RANBP2: variants seen among roughly 807,000 people sequenced by gnomAD.
RANBP2 encodes RAN binding protein 2, also known as E3 SUMO-protein ligase RanBP2.
In RANBP2, 57 loss-of-function variants were observed where a neutral mutation model predicts 303.6. That is an observed-to-expected ratio of 0.19 (90% confidence interval 0.15 to 0.23). The LOEUF (loss-of-function observed/expected upper bound fraction) is 0.23. Ranked by LOEUF, RANBP2 falls within the 10% of genes least tolerant of loss-of-function variation. RANBP2 has a pLI of 1.00. For synonymous variants in RANBP2, 1,167 were observed against 1,301.5 expected, an observed-to-expected ratio of 0.90 and a Z score of 2.23; for missense variants, 3,138 against 3,780.8, an observed-to-expected ratio of 0.83 and a Z score of 4.46.
At chr2:109,149,851 C>T in the RANBP2 span, among the ~76,000 whole-genome samples, 106,670 of 152,198 alleles carry the variant, frequency 0.7, 38,431 homozygotes, top group African/African-American at 0.77. Flanking sequence ...GATTAAAATA[C>T]CAGGGGGTTC....
At chr2:109,055,316 G>GTATA in the RANBP2 span, among the ~76,000 whole-genome samples, 1 of 149,736 alleles carries the variant, frequency 6.7e-6, no homozygotes, top group East Asian at 1.9e-4. Flanking sequence ...GTCTCTTCCA[G>GTATA]TATATTCCAG....
the RANBP2 span, chr2:109,545,955 A>G: frequency 6.7e-7 from 1 of 1,482,790 alleles, no homozygotes; most frequent in East Asian, 2.3e-5. Context: ...AAGACAAAGC[A>G]TAAGGAAGCA....
chr2:109,272,792 C>A, the RANBP2 span, among the ~76,000 whole-genome samples: 1 of 152,166 alleles, frequency 6.6e-6, no homozygotes, highest in Non-Finnish European at 1.5e-5. Flanking sequence ...GTTAAACAGC[C>A]CCCGGTACTG....
chr2:109,080,269 T>C, the RANBP2 span, among the ~76,000 whole-genome samples: 1 of 145,838 alleles, frequency 6.9e-6, no homozygotes. Flanking sequence ...GGGCAGCAGT[T>C]TGAGTGGCTG....
downstream of RANBP2, among the ~76,000 whole-genome samples, chr2:108,787,555 A>G (rs1417684142): frequency 6.6e-6 from 1 of 152,236 alleles, no homozygotes; most frequent in Non-Finnish European, 1.5e-5. Flanking sequence ...TCTAGAGTTC[A>G]TAAGAAATTT....
At chr2:109,003,493 C>T in the RANBP2 span, among the ~76,000 whole-genome samples, 1 of 151,888 alleles carries the variant, frequency 6.6e-6, no homozygotes, top group Non-Finnish European at 1.5e-5. Flanking sequence ...CCACTGCAAC[C>T]TCCGTCTCCT....
the RANBP2 span, chr2:109,574,757 T>C: frequency 1.3e-5 from 20 of 1,580,446 alleles, no homozygotes; most frequent in South Asian, 2.4e-5. Context: ...TAGTCAACTA[T>C]TGGTTGGTAG....
chr2:109,405,790 G>A, the RANBP2 span, among the ~76,000 whole-genome samples: 1 of 152,200 alleles, frequency 6.6e-6, no homozygotes, highest in East Asian at 1.9e-4. Context: ...TATTATTTGT[G>A]TGTATGGCCA....
At chr2:109,358,554 A>AACACACT in the RANBP2 span, among the ~76,000 whole-genome samples, 3 of 152,174 alleles carry the variant, frequency 2.0e-5, no homozygotes, top group Non-Finnish European at 4.4e-5. Flanking sequence ...CATCCTCATC[A>AACACACT]ACACACTACA....
the RANBP2 span, among the ~76,000 whole-genome samples, chr2:109,408,296 A>AG: frequency 6.6e-6 from 1 of 152,180 alleles, no homozygotes; most frequent in Non-Finnish European, 1.5e-5. Flanking sequence ...CAGGCCACTG[A>AG]GGTCGGTGTC....
At chr2:109,143,494 G>T in the RANBP2 span, among the ~76,000 whole-genome samples, 1 of 152,132 alleles carries the variant, frequency 6.6e-6, no homozygotes, top group East Asian at 1.9e-4. Context: ...TGTAATCTCA[G>T]AACTTTAGGA....
chr2:108,800,452 A>T, the RANBP2 span, among the ~76,000 whole-genome samples: 3 of 151,692 alleles, frequency 2.0e-5, no homozygotes, highest in Non-Finnish European at 2.9e-5. Context: ...TTTAGTAGGG[A>T]CGGGGTTTCA....
At chr2:109,710,435 A>T in the RANBP2 span, among the ~76,000 whole-genome samples, 1 of 151,792 alleles carries the variant, frequency 6.6e-6, no homozygotes, top group Non-Finnish European at 1.5e-5. Flanking sequence ...TCCGGCCCCC[A>T]TTGCCTATTT....
the RANBP2 span, among the ~76,000 whole-genome samples, chr2:109,372,394 G>GC: frequency 6.6e-6 from 1 of 152,172 alleles, no homozygotes; most frequent in East Asian, 1.9e-4. Flanking sequence ...TCAGTGCAAG[G>GC]CCACATGTGC....
At chr2:109,428,770 G>C in the RANBP2 span, among the ~76,000 whole-genome samples, 1 of 152,192 alleles carries the variant, frequency 6.6e-6, no homozygotes, top group Non-Finnish European at 1.5e-5. Context: ...GGCTGGTCTC[G>C]AGTGTTATGG....
the RANBP2 span, among the ~76,000 whole-genome samples, chr2:109,060,932 A>C: frequency 2.6e-5 from 4 of 152,310 alleles, no homozygotes; most frequent in East Asian, 7.7e-4. Flanking sequence ...AAAAATTAGG[A>C]GATTACTCAT....
At chr2:109,504,467 G>A in the RANBP2 span, 2 of 152,148 alleles carry the variant, frequency 1.3e-5, no homozygotes, top group African/African-American at 4.8e-5. Flanking sequence ...TCAGCCGACT[G>A]GGAGATCCTT....
chr2:109,400,288 C>T, the RANBP2 span, among the ~76,000 whole-genome samples: 40 of 152,194 alleles, frequency 2.6e-4, no homozygotes, highest in East Asian at 7.5e-3. Context: ...TGCACTCCCA[C>T]GCACATGTGC....
chr2:109,122,079 G>A, the RANBP2 span, among the ~76,000 whole-genome samples: 3 of 152,238 alleles, frequency 2.0e-5, no homozygotes, highest in Non-Finnish European at 4.4e-5. Context: ...TGCTACATGG[G>A]AGAGAGGGAT....
Sources: allele counts gnomAD v4.1 joint callset (sites outside exome capture counted in the v4.1 genomes callset), GRCh38; gene constraint gnomAD v4.1.1; transcripts MANE v1.5; gene names NCBI Gene and HGNC (gene_info 2026-07-23, HGNC 2026-07-21).